Variants in AK5 observed in about 807,000 individuals in gnomAD.
The protein encoded by AK5 is adenylate kinase isoenzyme 5.
In AK5, 27 loss-of-function variants were observed where a neutral mutation model predicts 69.5. That is an observed-to-expected ratio of 0.39 (90% CI 0.29 to 0.54). The LOEUF (loss-of-function observed/expected upper bound fraction) is 0.54. AK5 is among the 20% of genes least tolerant of loss of function. AK5 has a pLI of 0.71. For missense variants in AK5, 531 were observed against 700.4 expected (o/e 0.76, Z 2.73); for synonymous variants, 260 against 244.4 (o/e 1.06, Z -0.60).
At chr1:77,550,369 A>G (rs1565850) in intron 13 of AK5, among the ~76,000 whole-genome samples, 92,343 of 152,074 alleles carry the variant, frequency 0.61, 30,654 homozygotes, top group Non-Finnish European at 0.74. Flanking sequence ...AAAGGTCACG[A>G]TGAAACTTAC....
intron 8 of AK5, among the ~76,000 whole-genome samples, chr1:77,419,391 C>A (rs757240402): frequency 7.3e-5 from 11 of 151,656 alleles, no homozygotes; most frequent in Non-Finnish European, 1.2e-4. Flanking sequence ...AGACTCCACA[C>A]CCCCCAAGAA....
chr1:77,430,163 G>A (rs1322982227), intron 8 of AK5, among the ~76,000 whole-genome samples: 4 of 152,062 alleles, frequency 2.6e-5, no homozygotes, highest in African/African-American at 9.7e-5. Flanking sequence ...AGGCATCTAT[G>A]GAGTCCAGAG....
At chr1:77,406,615 A>G (rs1649670580) in intron 6 of AK5, among the ~76,000 whole-genome samples, 1 of 151,942 alleles carries the variant, frequency 6.6e-6, no homozygotes, top group Non-Finnish European at 1.5e-5. Context: ...TAATGACCAT[A>G]TGCCACCTGG....
chr1:77,338,314 A>T (rs982361915), intron 5 of AK5, among the ~76,000 whole-genome samples: 1 of 152,236 alleles, frequency 6.6e-6, no homozygotes, highest in Admixed American at 6.5e-5. Context: ...GATAACTTGG[A>T]TAGATAGAAG....
rs1659046538 is a variant in AK5 at position 77,537,708 on chromosome 1, CATTGATAATGAATTCTT to C, written c.1620+1673_1620+1689del. ...CATTACTGATTCCTTGGGGGAAAAC[CATTGATAATGAATTCTT>C]ATCTTCTAACTCTGTTAATGGTCCG... On this transcript the variant is annotated intron_variant, in intron 13 of 13. Coordinates refer to ENST00000354567, the MANE Select transcript of AK5 (RefSeq NM_174858.3). Among the ~76,000 whole-genome samples, 9 of 152,282 alleles carry C rather than the reference CATTGATAATGAATTCTT, an allele frequency of 5.9e-5. No individual in the cohort carries two copies. In the South Asian group the frequency reaches 1.7e-3, roughly 28 times the overall value.
chr1:77,522,900 AACC>A (rs1377939515), intron 12 of AK5, among the ~76,000 whole-genome samples: 1 of 152,052 alleles, frequency 6.6e-6, no homozygotes, highest in African/African-American at 2.4e-5. Context: ...TTTTTTTAAT[AACC>A]TTTTTAGATA....
rs141149280 is a variant in AK5, at chr1:77,336,818, A to G, written c.700-3559A>G. 3.0e-3 allele frequency among the ~76,000 whole-genome samples: 452 copies of G among 152,228 alleles called. 8 individuals carry two copies. Among genetic ancestry groups the G allele is most frequent in the Admixed American group, 0.026 (404 of 15,292 alleles). ...AGTCTTTATTTCTCCTTCATGTTTG[A>G]AGGATATTTTTGCTGGATATGCTAT... is the stretch of plus-strand genomic sequence containing the variant. On this transcript the variant is annotated intron_variant, in intron 5 of 13. Transcript: ENST00000354567.
chr1:77,397,551 T>C (rs1648914530), intron 6 of AK5, among the ~76,000 whole-genome samples: 1 of 152,198 alleles, frequency 6.6e-6, no homozygotes, highest in Non-Finnish European at 1.5e-5. Flanking sequence ...ATTTTTTTAA[T>C]AAACATTAAG....
chr1:77,434,849 G>A (rs1383755744), intron 8 of AK5, among the ~76,000 whole-genome samples: 3 of 152,168 alleles, frequency 2.0e-5, no homozygotes, highest in Non-Finnish European at 2.9e-5. Flanking sequence ...CCAGTGGTAT[G>A]AGTTTACATC....
intron 8 of AK5, among the ~76,000 whole-genome samples, chr1:77,429,722 G>T (rs1482509732): frequency 6.6e-6 from 1 of 152,190 alleles, no homozygotes; most frequent in Non-Finnish European, 1.5e-5. Context: ...GCCTCCAAAA[G>T]TGCTGGGATT....
intron 6 of AK5, among the ~76,000 whole-genome samples, chr1:77,393,691 T>G (rs1044304988): frequency 3.3e-5 from 5 of 152,156 alleles, no homozygotes; most frequent in African/African-American, 1.2e-4. Flanking sequence ...TTTTCTACCT[T>G]TCAGCATTCC....
At chr1:77,417,576 T>C (rs1557576711) in intron 7 of AK5, 63 bp from the exon 8 acceptor site, 1 of 977,356 alleles carries the variant, frequency 1.0e-6, no homozygotes, top group East Asian at 2.4e-5. Flanking sequence ...AGTGAGAGAC[T>C]GTTTGCTTTA....
chr1:77,493,717 G>C (rs771457859), intron 10 of AK5, among the ~76,000 whole-genome samples: 2 of 152,074 alleles, frequency 1.3e-5, no homozygotes, highest in African/African-American at 4.8e-5. Context: ...ACTCTTCCAG[G>C]CCCGACACCT....
At chr1:77,369,761 T>C (rs1647084831) in intron 6 of AK5, among the ~76,000 whole-genome samples, 1 of 152,224 alleles carries the variant, frequency 6.6e-6, no homozygotes, top group Non-Finnish European at 1.5e-5. Flanking sequence ...ACTTTAGAGG[T>C]AACCATTGCT....
At chr1:77,327,019 T>C (rs994005744) in intron 5 of AK5, among the ~76,000 whole-genome samples, 20 of 152,202 alleles carry the variant, frequency 1.3e-4, no homozygotes, top group Admixed American at 2.6e-4. Flanking sequence ...TGGGCAATCA[T>C]TCCTATAGTC....
chr1:77,395,015 G>A (rs1358813452), intron 6 of AK5, among the ~76,000 whole-genome samples: 1 of 151,382 alleles, frequency 6.6e-6, no homozygotes, highest in Non-Finnish European at 1.5e-5. Context: ...GTGAATATGA[G>A]GGCCCTCCTC....
intron 5 of AK5, among the ~76,000 whole-genome samples, chr1:77,310,035 C>CTA (rs1471608960): frequency 7.2e-5 from 11 of 152,146 alleles, no homozygotes; most frequent in African/African-American, 2.4e-4. Flanking sequence ...TAAAAATCTT[C>CTA]TATAGTTTTC....
intron 6 of AK5, among the ~76,000 whole-genome samples, chr1:77,381,795 A>T (rs1447507699): frequency 6.6e-6 from 1 of 152,250 alleles, no homozygotes; most frequent in African/African-American, 2.4e-5. Flanking sequence ...CAGCTAAATT[A>T]TAGAGACACT....
At chr1:77,419,447 T>G (rs1021176949) in intron 8 of AK5, among the ~76,000 whole-genome samples, 1 of 151,712 alleles carries the variant, frequency 6.6e-6, no homozygotes, top group African/African-American at 2.4e-5. Flanking sequence ...TATAAGGATA[T>G]TCAAAATATT....
Sources: allele counts gnomAD v4.1 joint callset (sites outside exome capture counted in the v4.1 genomes callset), GRCh38; gene constraint gnomAD v4.1.1; transcripts MANE v1.5; gene names NCBI Gene and HGNC (gene_info 2026-07-23, HGNC 2026-07-21).